The following KCNN2 variants were observed in gnomAD, a reference collection of about 807,000 sequenced individuals.
KCNN2 encodes the protein potassium calcium-activated channel subfamily N member 2.
KCNN2 carries 24 observed loss-of-function variants against 55.5 expected under a neutral mutation model. The ratio of observed to expected loss-of-function variants is 0.43; its 90% CI spans 0.31 to 0.61. The LOEUF is 0.61. Ranked by LOEUF, KCNN2 falls within the 20% of genes least tolerant of loss-of-function variation. The pLI, the probability that KCNN2 is intolerant of heterozygous loss-of-function variation, is 0.08. For synonymous variants in KCNN2, 431 were observed against 336.1 expected (o/e 1.28, Z -3.09); for missense variants, 754 against 853.6 (o/e 0.88, Z 1.45).
chr5:114,083,719 G>A (rs571346385), intron 1 of KCNN2, among the ~76,000 whole-genome samples: 7 of 151,880 alleles, frequency 4.6e-5, no homozygotes, highest in Non-Finnish European at 1.0e-4. Context: ...TTTAAATTAG[G>A]GTGCACTCTG....
chr5:114,390,472 G>T (rs1383877536), intron 2 of KCNN2, among the ~76,000 whole-genome samples: 1 of 152,060 alleles, frequency 6.6e-6, no homozygotes, highest in Non-Finnish European at 1.5e-5. Flanking sequence ...GTTAGTTAAG[G>T]TTACATTTAT....
chr5:114,429,960 C>T (rs1411872990), intron 3 of KCNN2, among the ~76,000 whole-genome samples: 3 of 151,040 alleles, frequency 2.0e-5, no homozygotes, highest in African/African-American at 4.9e-5. Context: ...TTTTCTACCT[C>T]GCCTATTCTG....
intron 3 of KCNN2, among the ~76,000 whole-genome samples, chr5:114,435,527 C>G (rs946228722): frequency 1.3e-5 from 2 of 151,830 alleles, no homozygotes; most frequent in African/African-American, 4.8e-5. Flanking sequence ...GTGTCTCACT[C>G]TAAACAAAAC....
intron 1 of KCNN2, among the ~76,000 whole-genome samples, chr5:114,103,879 A>G (rs1751424032): frequency 6.6e-6 from 1 of 152,016 alleles, no homozygotes; most frequent in Admixed American, 6.6e-5. Flanking sequence ...TATTGGCCTG[A>G]GATTTTCTTT....
intron 2 of KCNN2, among the ~76,000 whole-genome samples, chr5:114,355,843 G>A (rs1041617151): frequency 6.6e-6 from 1 of 152,140 alleles, no homozygotes; most frequent in Non-Finnish European, 1.5e-5. Context: ...AGAAGAGTGT[G>A]TCTGAATACA....
In KCNN2 at chr5:114,072,049, T is replaced by A. The variant is rs111476658; in HGVS notation, c.-271+15549T>A. ...GCCTCATGCCTGAAATCCCAGCACT[T>A]TGGGAGGCCAAGGTGGGTGGATCAC... On this transcript the variant is annotated intron_variant, in intron 1 of 10. Transcript: ENST00000512097. Among the ~76,000 whole-genome samples the A allele has an allele frequency of 8.5e-3, 1,295 of 152,292 alleles. 26 individuals are homozygous for A. Among genetic ancestry groups the A allele is most frequent in the African/African-American group, 0.029 (1,224 of 41,558 alleles).
chr5:114,274,929 T>A (rs1755452785), intron 2 of KCNN2, among the ~76,000 whole-genome samples: 1 of 152,146 alleles, frequency 6.6e-6, no homozygotes, highest in Non-Finnish European at 1.5e-5. Flanking sequence ...TCAAAGGGAA[T>A]GCTTCCAGTT....
At chr5:114,312,244 G>T (rs1756402623) in intron 2 of KCNN2, among the ~76,000 whole-genome samples, 1 of 151,348 alleles carries the variant, frequency 6.6e-6, no homozygotes, top group East Asian at 1.9e-4. Flanking sequence ...TCCTGCTGCT[G>T]GCTTTTTGAA....
chr5:114,320,176 G>A (rs551105598), intron 2 of KCNN2, among the ~76,000 whole-genome samples: 1 of 152,180 alleles, frequency 6.6e-6, no homozygotes, highest in South Asian at 2.1e-4. Flanking sequence ...GTATTAAATG[G>A]GTGAATTTCA....
intron 2 of KCNN2, among the ~76,000 whole-genome samples, chr5:114,241,458 G>A (rs1432695643): frequency 6.6e-6 from 1 of 151,398 alleles, no homozygotes; most frequent in Non-Finnish European, 1.5e-5. Flanking sequence ...TAAATAAATG[G>A]ACTGGTGAAA....
intron 1 of KCNN2, among the ~76,000 whole-genome samples, chr5:114,069,607 A>G (rs1750525149): frequency 6.6e-6 from 1 of 152,150 alleles, no homozygotes; most frequent in South Asian, 2.1e-4. Flanking sequence ...CACCAGCAAT[A>G]TCTTTTTCCA....
chr5:114,358,306 G>C (rs996146201), upstream of KCNN2, among the ~76,000 whole-genome samples: 1 of 152,096 alleles, frequency 6.6e-6, no homozygotes, highest in African/African-American at 2.4e-5. Flanking sequence ...CGAAGGAGAT[G>C]AAGTTTTTTT....
At chr5:114,406,409 C>T (rs1449651684) in intron 3 of KCNN2, among the ~76,000 whole-genome samples, 4 of 151,728 alleles carry the variant, frequency 2.6e-5, no homozygotes, top group Admixed American at 1.3e-4. Flanking sequence ...TTTTTATCTC[C>T]CTATCTCCCA....
At chr5:114,312,840 G>A (rs112526690) in intron 2 of KCNN2, among the ~76,000 whole-genome samples, 3,047 of 152,030 alleles carry the variant, frequency 0.02, 114 homozygotes, top group African/African-American at 0.07. Context: ...TATGTAACAT[G>A]GCTAATTTTC....
At chr5:114,318,819 G>A (rs753849268) in intron 2 of KCNN2, among the ~76,000 whole-genome samples, 1 of 151,672 alleles carries the variant, frequency 6.6e-6, no homozygotes, top group East Asian at 1.9e-4. Flanking sequence ...TATGCTTCTG[G>A]GAAATCTTGT....
At chr5:114,416,147 C>T (rs1330808713) in intron 3 of KCNN2, among the ~76,000 whole-genome samples, 1 of 152,086 alleles carries the variant, frequency 6.6e-6, no homozygotes, top group Non-Finnish European at 1.5e-5. Context: ...TCTTGCGTTG[C>T]TTTGATGGTT....
chr5:114,166,477 A>G (rs1433442652), intron 1 of KCNN2, among the ~76,000 whole-genome samples: 1 of 152,158 alleles, frequency 6.6e-6, no homozygotes, highest in African/African-American at 2.4e-5. Flanking sequence ...CAAAAAACAC[A>G]TAGAACAATA....
intron 2 of KCNN2, among the ~76,000 whole-genome samples, chr5:114,305,166 C>A (rs573194900): frequency 1.3e-5 from 2 of 152,102 alleles, no homozygotes; most frequent in Non-Finnish European, 2.9e-5. Flanking sequence ...GAAAAATAAT[C>A]GTGTTTGGTA....
intron 1 of KCNN2, among the ~76,000 whole-genome samples, chr5:114,167,111 A>G (rs567375483): frequency 4.1e-4 from 63 of 152,242 alleles, no homozygotes; most frequent in Non-Finnish European, 7.4e-4. Context: ...ATCCTAAACA[A>G]TAGCCAGTAC....
Sources: gnomAD v4.1 joint callset for allele counts (sites outside exome capture counted in the v4.1 genomes callset) on GRCh38, gnomAD v4.1.1 for gene constraint, MANE v1.5 for transcripts, NCBI Gene and HGNC (gene_info 2026-07-23, HGNC 2026-07-21) for gene names.